The following MYO19 variants were observed in gnomAD, a reference collection of about 807,000 sequenced individuals.
MYO19 encodes the protein unconventional myosin-XIX.
MYO19 carries 132 observed loss-of-function variants against 129.2 expected under a neutral mutation model. The ratio of observed to expected loss-of-function variants is 1.02; its 90% CI spans 0.89 to 1.18. The LOEUF (loss-of-function observed/expected upper bound fraction) is 1.18. Among genes scored for constraint, MYO19 ranks in the 50% most tolerant of loss-of-function variants. The probability of loss-of-function intolerance (pLI) is 0.00; values close to 1 mark genes in which losing one functional copy is unlikely to be tolerated. For missense variants in MYO19, 1,210 were observed against 1,216.7 expected, an observed-to-expected ratio of 0.99 and a Z score of 0.08; for synonymous variants, 531 against 477.2, an observed-to-expected ratio of 1.11 and a Z score of -1.47.
intron 12 of MYO19, 180 bp downstream of exon 12, chr17:36,511,185 C>T (rs564037135): frequency 1.9e-4 from 129 of 693,130 alleles, no homozygotes; most frequent in African/African-American, 1.8e-3. Context: ...AAGATGGGGA[C>T]GATACTGTCT....
upstream of MYO19, chr17:36,537,649 T>G (rs747305142): frequency 3.5e-5 from 57 of 1,614,092 alleles, no homozygotes; most frequent in South Asian, 5.9e-4. Context: ...ATGGTTTGTC[T>G]AGAGGTCAGG....
At chr17:36,499,239 C>T in intron 23 of MYO19, 79 bp from the exon 24 acceptor site, 2 of 981,188 alleles carry the variant, frequency 2.0e-6, no homozygotes, top group East Asian at 5.4e-5. Flanking sequence ...GCAGCAGCAC[C>T]ACAGTTGCTG....
chr17:36,498,497 T>C lies in MYO19; in HGVS notation c.2526A>G (p.Gln842=), dbSNP rs1481242117. 2 of 1,614,042 alleles carry C rather than the reference T, an allele frequency of 1.2e-6. No individual in the cohort carries two copies. Among genetic ancestry groups the C allele is most frequent in the Non-Finnish European group, 1.7e-6 (2 of 1,179,894 alleles). The change falls in exon 25 of 26, where the codon CAA becomes CAG. Residue 842 remains glutamine (Q), a synonymous_variant. Coordinates refer to ENST00000614623, the MANE Select transcript of MYO19 (RefSeq NM_001163735.2). Reference sequence around the variant, plus strand: ...GCGAGGTGCTCAGGGAACAGGGAGCTTGAGAGAAGTGTTTTTCTTCCACAC... The same window carrying C: ...GCGAGGTGCTCAGGGAACAGGGAGCCTGAGAGAAGTGTTTTTCTTCCACAC... ...LDGVEEKHFS[Q]APCSLSTSPL...
Position 36,495,717 on chromosome 17 carries a change from T to C in MYO19, c.*534A>G. On this transcript the variant is annotated 3_prime_UTR_variant, in exon 26 of 26. Coordinates refer to ENST00000614623, the MANE Select transcript of MYO19 (RefSeq NM_001163735.2). ...GCTTACACTTCATATGGAGTTAAAC[T>C]TGGTCAGTGTTAATAAAATCAAAAC... is the stretch of plus-strand genomic sequence containing the variant. 8.0e-7 allele frequency: 1 copy of C among 1,250,678 alleles called. No homozygotes were observed. The highest frequency in any genetic ancestry group is 3.1e-5 in the East Asian group (1 of 32,738). 77.5% of individuals were successfully genotyped at this position (1,250,678 alleles called of 1,614,324 possible).
At chr17:36,525,135 A>T in intron 6 of MYO19, 93 bp downstream of exon 6, 1 of 929,460 alleles carries the variant, frequency 1.1e-6, no homozygotes, top group Non-Finnish European at 1.7e-6. Flanking sequence ...TTAGGAAGCA[A>T]ACAACTCCAC....
At chr17:36,543,433 C>G (rs2074211249) in exon 1 of MYO19, 1 of 152,178 alleles carries the variant, frequency 6.6e-6, no homozygotes, top group Admixed American at 6.5e-5. Flanking sequence ...GGATTACCGG[C>G]GTGAGCCATG....
rs143705091 is a variant in MYO19, at chr17:36,498,970, C to T, written c.2463+105G>A. The stretch of plus-strand genomic sequence containing the variant: ...GGCTCAGAGAGGCTAAACAACCTGC[C>T]CAAGGCCACCTGCATTGCAGTGGCA... On this transcript the variant is annotated intron_variant, in intron 24 of 25. Coordinates refer to ENST00000614623, the MANE Select transcript of MYO19 (RefSeq NM_001163735.2). The T allele has an allele frequency of 9.8e-6, 9 of 919,266 alleles. No homozygotes were observed. In the African/African-American group the frequency reaches 1.5e-4, roughly 15 times the overall value. The allele number at this position is 919,266 out of a possible 1,614,324, so 56.9% of individuals were successfully genotyped here.
At chr17:36,538,564 G>T (rs1405428719), upstream of MYO19, 2 of 1,613,438 alleles carry the variant, frequency 1.2e-6, no homozygotes, top group Non-Finnish European at 1.7e-6. Context: ...TTTTCCAACT[G>T]TTTAATTGTA....
intron 2 of MYO19, 107 bp from the exon 3 acceptor site, chr17:36,532,788 G>A: frequency 1.7e-6 from 1 of 584,960 alleles, no homozygotes; most frequent in Admixed American, 3.0e-5. Flanking sequence ...GAGATGCAAG[G>A]CAGGCCTGGG....
intron 12 of MYO19, 164 bp downstream of exon 12, chr17:36,511,201 A>T: frequency 1.3e-6 from 1 of 741,210 alleles, no homozygotes; most frequent in Non-Finnish European, 2.2e-6. Flanking sequence ...TGTCTGCCTC[A>T]CCAGACAGGG....
At chr17:36,539,618 T>C (rs1433711729), upstream of MYO19, among the ~76,000 whole-genome samples, 1 of 149,658 alleles carries the variant, frequency 6.7e-6, no homozygotes, top group Non-Finnish European at 1.5e-5. Context: ...AAAAAAAAAA[T>C]AGACTGAATT....
chr17:36,520,282 A>AT (rs2073056650), intron 6 of MYO19, among the ~76,000 whole-genome samples: 1 of 151,812 alleles, frequency 6.6e-6, no homozygotes, highest in Admixed American at 6.6e-5. Context: ...GGTCCTTAAG[A>AT]TTTTTTTCTT....
intron 23 of MYO19, chr17:36,500,082 T>A (rs1340435273): frequency 6.6e-6 from 1 of 152,116 alleles, no homozygotes; most frequent in East Asian, 1.9e-4. Context: ...GGTATGAAAT[T>A]CCTGGGCTCA....
intron 15 of MYO19, 87 bp from the exon 16 acceptor site, chr17:36,507,599 G>A: frequency 7.0e-7 from 1 of 1,422,560 alleles, no homozygotes; most frequent in Non-Finnish European, 9.9e-7. Flanking sequence ...CGGTACCACA[G>A]CGTATTCCAG....
chr17:36,530,060 A>G (rs2073734265), intron 3 of MYO19, among the ~76,000 whole-genome samples: 1 of 152,220 alleles, frequency 6.6e-6, no homozygotes, highest in Non-Finnish European at 1.5e-5. Context: ...AAAGTAAAAA[A>G]TAAAAATAGA....
At chr17:36,505,187 G>A (rs1407194055) in intron 19 of MYO19, 110 bp downstream of exon 19, 2 of 986,660 alleles carry the variant, frequency 2.0e-6, no homozygotes, top group African/African-American at 3.2e-5. Flanking sequence ...CCTGGCCGGA[G>A]AGACCACTTC....
chr17:36,518,799 C>T (rs72818358), intron 6 of MYO19, among the ~76,000 whole-genome samples: 3 of 151,092 alleles, frequency 2.0e-5, no homozygotes, highest in African/African-American at 4.9e-5. Context: ...GATAGATAGA[C>T]AGATAGATAG....
At chr17:36,512,842 C>T (rs766308571) in intron 11 of MYO19, 10 of 1,229,810 alleles carry the variant, frequency 8.1e-6, no homozygotes, top group African/African-American at 1.6e-5. Flanking sequence ...AAGGGAGGCC[C>T]CCCTAGTGTG....
At chr17:36,519,664 C>T (rs1371226823) in intron 6 of MYO19, among the ~76,000 whole-genome samples, 1 of 150,092 alleles carries the variant, frequency 6.7e-6, no homozygotes, top group East Asian at 2.0e-4. Context: ...GATTTTACAT[C>T]TGTGATGCTG....
Sources: gnomAD v4.1 joint callset for allele counts (sites outside exome capture counted in the v4.1 genomes callset) on GRCh38, gnomAD v4.1.1 for gene constraint, MANE v1.5 for transcripts, NCBI Gene and HGNC (gene_info 2026-07-23, HGNC 2026-07-21) for gene names.